GRTP1: variants seen among roughly 807,000 people sequenced by gnomAD.
The protein encoded by GRTP1 is growth hormone-regulated TBC protein 1.
A neutral mutation model predicts 38.1 loss-of-function variants in GRTP1; 56 were observed. The observed-to-expected ratio is 1.47, with a 90% CI of 1.19 to 1.84. The LOEUF is 1.84. GRTP1 is among the 40% of genes most tolerant of loss of function. The probability of loss-of-function intolerance (pLI) is 0.00; values close to 1 mark genes in which losing one functional copy is unlikely to be tolerated. For synonymous variants in GRTP1, 217 were observed against 189.5 expected (o/e 1.14, Z -1.19); for missense variants, 506 against 453.9 (o/e 1.11, Z -1.04).
At chr13:113,357,078 A>G (rs78822043) in intron 2 of GRTP1, among the ~76,000 whole-genome samples, 3,625 of 18,678 alleles carry the variant, frequency 0.19, 124 homozygotes, top group East Asian at 0.3. Flanking sequence ...TTGGGAGGCC[A>G]AGGTGGGCAG....
chr13:113,364,120 T>G lies in GRTP1; in HGVS notation c.-69A>C. The G allele has an allele frequency of 8.6e-7, 1 of 1,164,314 alleles. No homozygotes were observed. The highest frequency in any genetic ancestry group is 1.0e-6 in the Non-Finnish European group (1 of 952,868). The allele number at this position is 1,164,314 out of a possible 1,614,324, so 72.1% of individuals were successfully genotyped here. A position where few individuals can be genotyped will look rare whatever the true frequency, so the allele number is the denominator to read the frequency against. On this transcript the variant is annotated 5_prime_UTR_variant, in exon 1 of 8. Coordinates refer to ENST00000375431, the MANE Select transcript of GRTP1 (RefSeq NM_024719.4). ...GTTCGCCTCCCGGCTCCGGGGCGCTTAAGTCCTTCCGGCGGGACCGCGGGC... is the reference window on the plus strand; with the variant it reads ...GTTCGCCTCCCGGCTCCGGGGCGCTGAAGTCCTTCCGGCGGGACCGCGGGC...
chr13:113,361,210 T>TAAAAAAAAAAAAAAA (rs60140159), intron 2 of GRTP1, among the ~76,000 whole-genome samples: 2 of 125,356 alleles, frequency 1.6e-5, no homozygotes, highest in African/African-American at 6.3e-5. Context: ...AGACCAATGC[T>TAAAAAAAAAAAAAAA]AAAAAAAAAA....
intron 4 of GRTP1, among the ~76,000 whole-genome samples, chr13:113,346,883 T>C (rs1197295230): frequency 4.1e-3 from 5 of 1,220 alleles, no homozygotes; most frequent in African/African-American, 7.7e-3. Flanking sequence ...TGCCTGACAG[T>C]GGACCCGGGA....
chr13:113,353,428 AAAG>A (rs762560134), intron 3 of GRTP1, among the ~76,000 whole-genome samples: 20 of 152,238 alleles, frequency 1.3e-4, no homozygotes, highest in Admixed American at 2.6e-4. Context: ...ATTCACCCTT[AAAG>A]AAGGAGGAAA....
intron 5 of GRTP1, among the ~76,000 whole-genome samples, chr13:113,328,695 T>C (rs1030313554): frequency 1.3e-5 from 2 of 152,224 alleles, no homozygotes; most frequent in Non-Finnish European, 2.9e-5. Context: ...AATTTTTAAA[T>C]ATTTTTTGTA....
At chr13:113,331,108 G>A (rs1035857520) in intron 5 of GRTP1, among the ~76,000 whole-genome samples, 1 of 151,348 alleles carries the variant, frequency 6.6e-6, no homozygotes, top group Admixed American at 6.6e-5. Flanking sequence ...GTGCATGGGA[G>A]CCCGGGTGTG....
intron 3 of GRTP1, among the ~76,000 whole-genome samples, chr13:113,351,341 A>G (rs2043262295): frequency 6.6e-6 from 1 of 152,250 alleles, no homozygotes; most frequent in East Asian, 1.9e-4. Flanking sequence ...CTCTGCCTCG[A>G]GGACCCAGGG....
intron 5 of GRTP1, among the ~76,000 whole-genome samples, chr13:113,331,578 C>T (rs1334809463): frequency 1.3e-5 from 2 of 149,204 alleles, no homozygotes; most frequent in African/African-American, 2.5e-5. Context: ...CCTTACAGGG[C>T]GTGAGCCTTC....
Position 113,350,858 on chromosome 13 carries a change from GCC to G in GRTP1, c.454_455del (p.Gly152LeufsTer18), listed in dbSNP as rs1463334416. On this transcript the variant is annotated frameshift_variant, in exon 4 of 8. Coordinates refer to ENST00000375431, the MANE Select transcript of GRTP1 (RefSeq NM_024719.4). LOFTEE classifies it high-confidence loss of function. The part of the protein sequence containing the change: ...LAYGHHNQGV[G>X]YCQGMNFIAG... ...GGGTCCCGAGGCTCACCTGGCAGTA[GCC>G]CACTCCCTGGTTATGGTGCCCATAT... 2 of 1,574,198 alleles carry G rather than the reference GCC, an allele frequency of 1.3e-6. No homozygotes were observed. Among genetic ancestry groups the G allele is most frequent in the African/African-American group, 2.7e-5 (2 of 74,220 alleles).
intron 2 of GRTP1, among the ~76,000 whole-genome samples, chr13:113,355,971 T>G (rs941604678): frequency 6.6e-6 from 1 of 152,182 alleles, no homozygotes. Flanking sequence ...GCTACTCCAT[T>G]TTGTAGGGAT....
intron 4 of GRTP1, among the ~76,000 whole-genome samples, chr13:113,346,004 GGA>G (rs2139457902): frequency 1.1e-5 from 1 of 94,854 alleles, no homozygotes; most frequent in South Asian, 3.7e-4. Context: ...GGACCCGAGA[GGA>G]CCTCTGCGGC....
intron 5 of GRTP1, among the ~76,000 whole-genome samples, chr13:113,344,145 T>C (rs562354175): frequency 6.2e-4 from 95 of 152,338 alleles, no homozygotes; most frequent in African/African-American, 2.1e-3. Flanking sequence ...CTCTTACTAG[T>C]ATTCACAAAC....
chr13:113,346,627 G>C (rs867790399), intron 4 of GRTP1, among the ~76,000 whole-genome samples: 402 of 3,062 alleles, frequency 0.13, 157 homozygotes, highest in African/African-American at 0.16. Context: ...GACCCGGGAG[G>C]ACCTCTGTGG....
intron 5 of GRTP1, among the ~76,000 whole-genome samples, chr13:113,340,323 A>T (rs1391302398): frequency 6.6e-6 from 1 of 151,610 alleles, no homozygotes; most frequent in Admixed American, 6.6e-5. Flanking sequence ...AAATAAAAAA[A>T]AAAAAATCAA....
chr13:113,324,215 TTATTAG>T lies in GRTP1; in HGVS notation c.*267_*272del, dbSNP rs557897161. Reference sequence around the variant, plus strand: ...TCACAAACACAGGTGTTGGCATACTTTATTAGATACAAACCCACACTCACATTTTAT... The same window carrying T: ...TCACAAACACAGGTGTTGGCATACTTATACAAACCCACACTCACATTTTAT... On this transcript the variant is annotated 3_prime_UTR_variant, in exon 8 of 8. Transcript: ENST00000375431. The T allele has an allele frequency of 1.1e-3, 433 of 397,632 alleles. 3 individuals are homozygous for T. Among genetic ancestry groups the T allele is most frequent in the African/African-American group, 8.7e-3 (404 of 46,198 alleles). The allele number at this position is 397,632 out of a possible 1,614,324, so 24.6% of individuals were successfully genotyped here.
intron 3 of GRTP1, among the ~76,000 whole-genome samples, chr13:113,353,568 A>G (rs1323627808): frequency 6.6e-6 from 1 of 152,124 alleles, no homozygotes; most frequent in Non-Finnish European, 1.5e-5. Context: ...CACGGAGACA[A>G]GCGTACAGTG....
rs2043034902 is a variant in GRTP1 at position 113,342,143 on chromosome 13, A to G, written c.562+2720T>C. Among the ~76,000 whole-genome samples, 1 of 151,648 alleles carries G rather than the reference A, an allele frequency of 6.6e-6. No individual in the cohort carries two copies. The highest frequency in any genetic ancestry group is 2.1e-4 in the South Asian group (1 of 4,800). On this transcript the variant is annotated intron_variant, in intron 5 of 7. Transcript: ENST00000375431. This position sits in a 1 kb window ranked among gnomAD's most constrained non-coding sequence, Gnocchi z 4.5. ...TTTTTAGTGGAGGTGGGGTTTTGCC[A>G]TGTTGGCCAGGCTGGTCTTGAACTC...
chr13:113,344,224 G>A (rs1039061846), intron 5 of GRTP1, among the ~76,000 whole-genome samples: 4 of 152,182 alleles, frequency 2.6e-5, no homozygotes, highest in South Asian at 2.1e-4. Flanking sequence ...AAACCACACC[G>A]TGGCCCTCAA....
At chr13:113,347,469 GCCGAGAGCAGAC>G (rs2043172938) in intron 4 of GRTP1, among the ~76,000 whole-genome samples, 3 of 102,010 alleles carry the variant, frequency 2.9e-5, no homozygotes, top group Non-Finnish European at 5.8e-5. Context: ...GATCTCTGTG[GCCGAGAGCAGAC>G]CTGGGAGGAC....
Sources: gnomAD v4.1 joint callset for allele counts (sites outside exome capture counted in the v4.1 genomes callset) on GRCh38, gnomAD v4.1.1 for gene constraint, Gnocchi (gnomAD v3.1) non-coding constraint, MANE v1.5 for transcripts, NCBI Gene and HGNC (gene_info 2026-07-23, HGNC 2026-07-21) for gene names.